PTK2B: variants seen among roughly 807,000 people sequenced by gnomAD.
PTK2B encodes protein-tyrosine kinase 2-beta.
Under a neutral mutation model 142.9 loss-of-function variants are expected in PTK2B, and 71 were observed. The ratio of observed to expected loss-of-function variants is 0.50; its 90% confidence interval spans 0.41 to 0.61. PTK2B has a LOEUF of 0.61. Among genes scored for constraint, PTK2B ranks in the 20% least tolerant of loss-of-function variants. The probability of loss-of-function intolerance (pLI) is 0.00; values close to 1 mark genes in which losing one functional copy is unlikely to be tolerated. For synonymous variants in PTK2B, 519 were observed against 503.4 expected (o/e 1.03, Z -0.42); for missense variants, 1,105 against 1,320.4 (o/e 0.84, Z 2.53).
At position 27,356,873 on chromosome 8, in the gene PTK2B, T is replaced by C. The variant is rs550473523; in HGVS notation, c.-38+31192T>C. On this transcript the variant is annotated intron_variant, in intron 1 of 30. Transcript: ENST00000346049. ...CCTTTAAGAGATGAAACTGTAGAGA[T>C]GGAGAGCAAACTAGGGGTTGTGGAG... Among the ~76,000 whole-genome samples, 14 of 152,292 alleles carry C rather than the reference T, an allele frequency of 9.2e-5. No individual in the cohort carries two copies. The South Asian group carries it at 2.7e-3, about 29-fold the overall frequency.
chr8:27,419,828 T>C, intron 2 of PTK2B, 67 bp from the exon 3 acceptor site: 3 of 1,541,990 alleles, frequency 1.9e-6, no homozygotes, highest in Non-Finnish European at 2.7e-6. Context: ...TTTTCAGGTC[T>C]GTGTGAGAAT....
chr8:27,434,570 C>T lies in PTK2B; in HGVS notation c.1192+11C>T, dbSNP rs113487869. ...AGAGCTGCAGCATAGGTGAGCTGCC[C>T]GCTGCATCCTCCACCTGCTCCAGTT... On this transcript the variant is annotated intron_variant, in intron 13 of 30. Coordinates refer to ENST00000346049, the MANE Select transcript of PTK2B (RefSeq NM_173176.3). The T allele has an allele frequency of 3.4e-5, 54 of 1,598,016 alleles. No homozygotes were observed. In the East Asian group the frequency reaches 8.0e-4, roughly 24 times the overall value.
At chr8:27,319,655 A>T (rs1471653543) in intron 3 of PTK2B, among the ~76,000 whole-genome samples, 1 of 151,582 alleles carries the variant, frequency 6.6e-6, no homozygotes, top group East Asian at 1.9e-4. Context: ...AAAAAAAAAA[A>T]AAAAAAAAAA....
intron 2 of PTK2B, among the ~76,000 whole-genome samples, chr8:27,404,035 A>C (rs958010455): frequency 1.6e-5 from 2 of 126,880 alleles, no homozygotes; most frequent in Non-Finnish European, 3.6e-5. Flanking sequence ...GATTTGTCTC[A>C]TCCCCAGTTT....
chr8:27,317,998 G>T (rs763268319), intron 3 of PTK2B, among the ~76,000 whole-genome samples: 4 of 151,848 alleles, frequency 2.6e-5, no homozygotes, highest in East Asian at 1.9e-4. Context: ...ATATTTTGTG[G>T]TTTTTTTTCT....
intron 1 of PTK2B, chr8:27,312,182 A>G (rs1259594509): frequency 6.6e-6 from 1 of 152,224 alleles, no homozygotes; most frequent in African/African-American, 2.4e-5. Flanking sequence ...CAGATGCAGA[A>G]TACTTTTCAC....
chr8:27,395,300 T>A (rs921941390), intron 1 of PTK2B, among the ~76,000 whole-genome samples: 1 of 152,212 alleles, frequency 6.6e-6, no homozygotes, highest in Non-Finnish European at 1.5e-5. Flanking sequence ...ACTGTTATGA[T>A]GTCACTAGGT....
At chr8:27,404,353 G>A (rs1586248970) in intron 2 of PTK2B, among the ~76,000 whole-genome samples, 1 of 152,268 alleles carries the variant, frequency 6.6e-6, no homozygotes, top group Admixed American at 6.5e-5. Flanking sequence ...CAGAGGTGCC[G>A]ATGGAGTCCT....
At chr8:27,453,341 A>G (rs571125923) in intron 28 of PTK2B, among the ~76,000 whole-genome samples, 181 bp downstream of exon 28, 1 of 152,278 alleles carries the variant, frequency 6.6e-6, no homozygotes, top group East Asian at 1.9e-4. Context: ...CACACAGCTA[A>G]TTCATGAAAA....
chr8:27,385,821 A>T (rs1303889407), intron 1 of PTK2B, among the ~76,000 whole-genome samples: 2 of 141,096 alleles, frequency 1.4e-5, no homozygotes, highest in Admixed American at 7.5e-5. Context: ...TGAACCCGGG[A>T]GGCAGAGTTT....
At chr8:27,443,155 G>A (rs1203009391) in intron 22 of PTK2B, among the ~76,000 whole-genome samples, 172 bp downstream of exon 22, 1 of 152,228 alleles carries the variant, frequency 6.6e-6, no homozygotes, top group Non-Finnish European at 1.5e-5. Context: ...CTGGCAGGTG[G>A]ACTTGGAGAT....
At chr8:27,359,186 G>A (rs1030676023) in intron 1 of PTK2B, among the ~76,000 whole-genome samples, 3 of 152,118 alleles carry the variant, frequency 2.0e-5, no homozygotes, top group South Asian at 2.1e-4. Flanking sequence ...CGCGATCTCA[G>A]CTCACTGAAA....
intron 2 of PTK2B, among the ~76,000 whole-genome samples, chr8:27,407,847 C>A (rs1277731621): frequency 6.6e-6 from 1 of 152,168 alleles, no homozygotes; most frequent in African/African-American, 2.4e-5. Flanking sequence ...TTTTTGAGCA[C>A]CTGCTCTGCA....
intron 2 of PTK2B, among the ~76,000 whole-genome samples, chr8:27,403,447 C>T (rs1808499455): frequency 6.6e-6 from 1 of 152,132 alleles, no homozygotes; most frequent in Admixed American, 6.5e-5. Context: ...TTGTAAAAAG[C>T]TTTGTGAATA....
At chr8:27,413,249 C>T (rs923344537) in intron 2 of PTK2B, among the ~76,000 whole-genome samples, 1 of 152,184 alleles carries the variant, frequency 6.6e-6, no homozygotes, top group Non-Finnish European at 1.5e-5. Context: ...CCGGAATGCT[C>T]CAGGGTTTAT....
chr8:27,321,485 G>C (rs966152056), upstream of PTK2B, among the ~76,000 whole-genome samples: 4 of 152,278 alleles, frequency 2.6e-5, no homozygotes, highest in Admixed American at 2.0e-4. Flanking sequence ...GTTAAACTAG[G>C]TTCAGACTAT....
chr8:27,316,956 A>G (rs1347355037), intron 3 of PTK2B, among the ~76,000 whole-genome samples: 2 of 152,210 alleles, frequency 1.3e-5, no homozygotes, highest in Non-Finnish European at 2.9e-5. Flanking sequence ...AAGGGGGTGT[A>G]TTATCTCACA....
upstream of PTK2B, chr8:27,325,435 A>G (rs1364743594): frequency 6.6e-6 from 1 of 152,232 alleles, no homozygotes; most frequent in African/African-American, 2.4e-5. Context: ...AGTTTATGGT[A>G]AGAGGCTGGA....
At chr8:27,389,516 G>T (rs558615255) in intron 1 of PTK2B, among the ~76,000 whole-genome samples, 4 of 152,266 alleles carry the variant, frequency 2.6e-5, no homozygotes, top group African/African-American at 9.6e-5. Flanking sequence ...AAAGCCCAGG[G>T]TAATGCATCC....
Sources: allele counts gnomAD v4.1 joint callset (sites outside exome capture counted in the v4.1 genomes callset), GRCh38; gene constraint gnomAD v4.1.1; transcripts MANE v1.5; gene names NCBI Gene and HGNC (gene_info 2026-07-23, HGNC 2026-07-21).